The following ZNF704 variants were observed in gnomAD, a reference collection of about 807,000 sequenced individuals.
The protein encoded by ZNF704 is zinc finger protein 704.
ZNF704 carries 10 observed loss-of-function variants against 44.7 expected under a neutral mutation model. The observed-to-expected ratio is 0.22, with a 90% CI of 0.14 to 0.38. The LOEUF is 0.38. ZNF704 is among the 10% of genes least tolerant of loss of function. The pLI, the probability that ZNF704 is intolerant of heterozygous loss-of-function variation, is 1.00. For missense variants in ZNF704, 390 were observed against 545.5 expected (o/e 0.71, Z 2.84); for synonymous variants, 211 against 207.6 (o/e 1.02, Z -0.14).
At chr8:80,879,528 G>A (rs573264346), upstream of ZNF704, among the ~76,000 whole-genome samples, 6 of 152,254 alleles carry the variant, frequency 3.9e-5, no homozygotes, top group Admixed American at 2.0e-4. Context: ...GGGACTGGGT[G>A]TCTCTTTTAA....
chr8:80,712,262 A>G (rs528985067), intron 2 of ZNF704, among the ~76,000 whole-genome samples: 4 of 152,320 alleles, frequency 2.6e-5, no homozygotes, highest in African/African-American at 9.6e-5. Flanking sequence ...TGACACAGCA[A>G]CAAGGCCCTC....
At chr8:80,707,631 T>G (rs1818917854) in intron 2 of ZNF704, among the ~76,000 whole-genome samples, 1 of 152,274 alleles carries the variant, frequency 6.6e-6, no homozygotes, top group South Asian at 2.1e-4. Flanking sequence ...TTCATATGGT[T>G]CAGCCTGATA....
chr8:80,825,775 C>G (rs1181916051), intron 1 of ZNF704, among the ~76,000 whole-genome samples: 2 of 152,186 alleles, frequency 1.3e-5, no homozygotes, highest in African/African-American at 4.8e-5. Flanking sequence ...AAGAAACTCA[C>G]TCAAAACCAC....
chr8:80,815,942 C>T (rs575372679), intron 2 of ZNF704, among the ~76,000 whole-genome samples: 1 of 152,304 alleles, frequency 6.6e-6, no homozygotes, highest in African/African-American at 2.4e-5. Flanking sequence ...GCTGTTCACC[C>T]TCCTGTCCAT....
At chr8:80,680,872 T>C (rs181934396) in intron 4 of ZNF704, among the ~76,000 whole-genome samples, 47 of 152,328 alleles carry the variant, frequency 3.1e-4, no homozygotes, top group African/African-American at 1.1e-3. Context: ...CAAGCACGGA[T>C]GAAACACCTC....
intron 2 of ZNF704, among the ~76,000 whole-genome samples, chr8:80,714,153 G>A (rs541390150): frequency 6.6e-6 from 1 of 152,272 alleles, no homozygotes; most frequent in South Asian, 2.1e-4. Context: ...GACTTAGCAG[G>A]AAGTCCTACT....
rs192026625 is a variant in ZNF704, at chr8:80,833,784, C to T, written c.-21-12169G>A. Among the ~76,000 whole-genome samples, 18 of 152,226 alleles carry T rather than the reference C, an allele frequency of 1.2e-4. No homozygotes were observed. The East Asian group carries it at 3.3e-3, about 28-fold the overall frequency. On this transcript the variant is annotated intron_variant, in intron 1 of 8. Transcript: ENST00000327835. ...TACATGGTAAATCAATATGCCGAGA[C>T]ACCAGGTTGCACTGGTTTAATCATA... is the stretch of plus-strand genomic sequence containing the variant.
chr8:80,811,137 T>C (rs1325832448), intron 2 of ZNF704, among the ~76,000 whole-genome samples: 1 of 152,186 alleles, frequency 6.6e-6, no homozygotes, highest in Non-Finnish European at 1.5e-5. Flanking sequence ...TGTGTGGCTA[T>C]AGATCACTTG....
At chr8:80,804,260 G>A (rs1187530320) in intron 2 of ZNF704, among the ~76,000 whole-genome samples, 1 of 152,174 alleles carries the variant, frequency 6.6e-6, no homozygotes, top group African/African-American at 2.4e-5. Flanking sequence ...GTGGAAGACA[G>A]TATGGCAATT....
chr8:80,725,546 A>G (rs1057031954), intron 2 of ZNF704, among the ~76,000 whole-genome samples: 7 of 152,090 alleles, frequency 4.6e-5, no homozygotes, highest in Non-Finnish European at 7.4e-5. Context: ...TACATAGGGG[A>G]TGGGGAAAAG....
intron 1 of ZNF704, among the ~76,000 whole-genome samples, chr8:80,831,151 A>G: frequency 6.6e-6 from 1 of 152,306 alleles, no homozygotes; most frequent in East Asian, 1.9e-4. Context: ...AACAAAACCA[A>G]AGAAAACAAA....
intron 2 of ZNF704, among the ~76,000 whole-genome samples, chr8:80,773,543 G>A (rs773064729): frequency 6.6e-6 from 1 of 152,052 alleles, no homozygotes. Flanking sequence ...ACATGTTTTT[G>A]CTTACCATGC....
chr8:80,817,441 T>C lies in ZNF704; in HGVS notation c.221+3933A>G, dbSNP rs565694237. Among the ~76,000 whole-genome samples, 209 of 152,278 alleles carry C rather than the reference T, an allele frequency of 1.4e-3. 1 individual carries two copies. The highest frequency in any genetic ancestry group is 2.6e-3 in the Non-Finnish European group (176 of 68,004). ...GCTACCTGGGACACTTCCCTCCAAC[T>C]TTCCTGCCCTCTCTCCATCACTGCG... On this transcript the variant is annotated intron_variant, in intron 2 of 8. Transcript: ENST00000327835.
intron 2 of ZNF704, among the ~76,000 whole-genome samples, chr8:80,713,168 A>C (rs1224987203): frequency 6.6e-6 from 1 of 152,180 alleles, no homozygotes; most frequent in African/African-American, 2.4e-5. Context: ...TAAAAAATTA[A>C]ATGACGTTAA....
At chr8:80,746,965 G>C (rs905085092) in intron 2 of ZNF704, among the ~76,000 whole-genome samples, 4 of 152,104 alleles carry the variant, frequency 2.6e-5, no homozygotes, top group Admixed American at 6.5e-5. Context: ...CTATTTTAAA[G>C]GCAATAGTAT....
At chr8:80,706,686 T>G (rs1210021271) in intron 2 of ZNF704, among the ~76,000 whole-genome samples, 1 of 152,240 alleles carries the variant, frequency 6.6e-6, no homozygotes, top group South Asian at 2.1e-4. Context: ...CTGCTCTACT[T>G]GGACAGAGAA....
intron 2 of ZNF704, among the ~76,000 whole-genome samples, chr8:80,774,705 G>A (rs1807382123): frequency 6.6e-6 from 1 of 152,192 alleles, no homozygotes; most frequent in Admixed American, 6.5e-5. Flanking sequence ...TCCCCACGAG[G>A]CCTTTGCTGG....
chr8:80,770,080 C>G (rs1006565631), intron 2 of ZNF704, among the ~76,000 whole-genome samples: 1 of 152,182 alleles, frequency 6.6e-6, no homozygotes, highest in African/African-American at 2.4e-5. Flanking sequence ...TATTCACCAT[C>G]ATGAGAACAG....
intron 3 of ZNF704, among the ~76,000 whole-genome samples, chr8:80,691,181 A>G (rs1446218284): frequency 1.3e-5 from 2 of 152,206 alleles, no homozygotes; most frequent in African/African-American, 4.8e-5. Flanking sequence ...TGTTCAACAA[A>G]TTTATTTTAA....
Sources: allele counts gnomAD v4.1 joint callset (sites outside exome capture counted in the v4.1 genomes callset), GRCh38; gene constraint gnomAD v4.1.1; transcripts MANE v1.5; gene names NCBI Gene and HGNC (gene_info 2026-07-23, HGNC 2026-07-21).